The following EXOC2 variants were observed in gnomAD, a reference collection of about 807,000 sequenced individuals.
EXOC2 encodes the protein SEC5-like 1.
A neutral mutation model predicts 131.8 loss-of-function variants in EXOC2; 70 were observed. That is an observed-to-expected ratio of 0.53 (90% CI 0.44 to 0.65). The LOEUF is 0.65. EXOC2 is among the 30% of genes least tolerant of loss of function. The pLI is 0.00. For synonymous variants in EXOC2, 411 were observed against 398.4 expected, an observed-to-expected ratio of 1.03 and a Z score of -0.38; for missense variants, 923 against 1,108.6, an observed-to-expected ratio of 0.83 and a Z score of 2.38.
intron 10 of EXOC2, among the ~76,000 whole-genome samples, chr6:595,787 G>C (rs1766834): frequency 0.11 from 16,380 of 152,050 alleles, 1,849 homozygotes; most frequent in African/African-American, 0.27. Flanking sequence ...GGACGTCTGA[G>C]GCTACCCAGC....
chr6:555,320 G>A, intron 19 of EXOC2, 32 bp from the exon 20 acceptor site: 3 of 1,421,452 alleles, frequency 2.1e-6, no homozygotes, highest in Non-Finnish European at 2.9e-6. Context: ...AGAACTCTCA[G>A]AGGAATGAAC....
In EXOC2 at chr6:518,184, T is replaced by C. The variant is rs950522047; in HGVS notation, c.2380+14285A>G. On this transcript the variant is annotated intron_variant, in intron 23 of 27. Coordinates refer to ENST00000230449, the MANE Select transcript of EXOC2 (RefSeq NM_018303.6). ...ATTACGTTTCTTTAAAAAAAATCAG[T>C]CCTTATCTTATCTGTGTATGGATGA... Among the ~76,000 whole-genome samples the C allele has an allele frequency of 2.0e-5, 3 of 152,200 alleles. No individual in the cohort carries two copies. In the East Asian group the frequency reaches 5.8e-4, roughly 29 times the overall value.
chr6:486,937 T>G (rs962946198), intron 27 of EXOC2, among the ~76,000 whole-genome samples, 173 bp from the exon 28 acceptor site: 3 of 139,660 alleles, frequency 2.1e-5, no homozygotes, highest in East Asian at 2.1e-4. Flanking sequence ...ATCAAAGAAG[T>G]TGATCAAATA....
At chr6:614,108 A>C (rs982471155) in intron 6 of EXOC2, among the ~76,000 whole-genome samples, 2 of 152,150 alleles carry the variant, frequency 1.3e-5, no homozygotes, top group African/African-American at 4.8e-5. Flanking sequence ...CTTTGTCCTT[A>C]GGTCCTGGGA....
chr6:564,877 T>C lies in EXOC2; in HGVS notation c.1496A>G (p.Gln499Arg). Residue 499 changes from glutamine to arginine, a missense_variant, in exon 14 of 28, where the codon CAA (glutamine) becomes CGA (arginine). Coordinates refer to ENST00000230449, the MANE Select transcript of EXOC2 (RefSeq NM_018303.6). ...IERSKNVRQR[Q>R]NDFKKMIQEV... ...ACCCTTACTCACCTTAAAATCATTTTGTCTTTGCCTTACATTCTTTGATCT... is the reference window on the plus strand; with the variant it reads ...ACCCTTACTCACCTTAAAATCATTTCGTCTTTGCCTTACATTCTTTGATCT... 1 of 1,612,976 alleles carries C rather than the reference T, an allele frequency of 6.2e-7. No individual in the cohort carries two copies. Among genetic ancestry groups the C allele is most frequent in the Non-Finnish European group, 8.5e-7 (1 of 1,179,646 alleles).
intron 23 of EXOC2, among the ~76,000 whole-genome samples, chr6:514,139 T>C (rs1291844073): frequency 6.6e-6 from 1 of 152,228 alleles, no homozygotes; most frequent in Non-Finnish European, 1.5e-5. Flanking sequence ...AGGGGTGTGA[T>C]AGGTCTTCTC....
chr6:572,700 T>G, intron 12 of EXOC2, 56 bp from the exon 13 acceptor site: 1 of 1,581,918 alleles, frequency 6.3e-7, no homozygotes, highest in Non-Finnish European at 8.6e-7. Context: ...AGAAAACACC[T>G]TTGAGCATAT....
At chr6:493,417 T>TTAG in intron 25 of EXOC2, among the ~76,000 whole-genome samples, 1 of 152,314 alleles carries the variant, frequency 6.6e-6, no homozygotes, top group South Asian at 2.1e-4. Context: ...GCTGACCATT[T>TTAG]TAGGAGAAAG....
rs182169112 is a variant in EXOC2 at position 533,022 on chromosome 6, G to A, written c.2239-412C>T. 7.2e-5 allele frequency among the ~76,000 whole-genome samples: 11 copies of A among 152,292 alleles called. No homozygotes were observed. The East Asian group carries it at 2.1e-3, about 29-fold the overall frequency. ...AAGGAGAAGGTGGCCAGAAGGAGAA[G>A]TACCCAGTGGAAGGGGAAGAGAGCC... On this transcript the variant is annotated intron_variant, in intron 22 of 27. Transcript: ENST00000230449.
At chr6:495,555 C>A (rs775828470) in intron 25 of EXOC2, among the ~76,000 whole-genome samples, 1 of 152,146 alleles carries the variant, frequency 6.6e-6, no homozygotes, top group Admixed American at 6.5e-5. Context: ...TAACTAGGAT[C>A]GGAATAGCTG....
At chr6:646,120 T>G (rs1320565175) in intron 1 of EXOC2, among the ~76,000 whole-genome samples, 1 of 152,250 alleles carries the variant, frequency 6.6e-6, no homozygotes, top group African/African-American at 2.4e-5. Context: ...TCTCAGTGAT[T>G]CATATCAAGA....
chr6:675,887 A>G (rs370154906), intron 1 of EXOC2, among the ~76,000 whole-genome samples: 39 of 52,834 alleles, frequency 7.4e-4, no homozygotes, highest in East Asian at 6.4e-3. Flanking sequence ...ATACTCTTCA[A>G]CATTACGGAA....
At chr6:668,806 G>A (rs1451526035) in intron 1 of EXOC2, among the ~76,000 whole-genome samples, 4 of 152,142 alleles carry the variant, frequency 2.6e-5, no homozygotes, top group Admixed American at 2.0e-4. Context: ...GCATACTCTA[G>A]ATTACTAATC....
intron 5 of EXOC2, among the ~76,000 whole-genome samples, chr6:618,998 C>T (rs1350437063): frequency 1.3e-5 from 2 of 152,106 alleles, no homozygotes; most frequent in Non-Finnish European, 2.9e-5. Context: ...TAATTTTAAG[C>T]CAGGTCCTTA....
At chr6:583,870 C>T (rs565550630) in intron 11 of EXOC2, among the ~76,000 whole-genome samples, 12 of 152,338 alleles carry the variant, frequency 7.9e-5, no homozygotes, top group African/African-American at 2.6e-4. Flanking sequence ...CAGTGCTGAG[C>T]TGCAGGGAGG....
chr6:687,168 A>ATTTTTTTTTTTT (rs1292769233), intron 1 of EXOC2, among the ~76,000 whole-genome samples: 8 of 40,726 alleles, frequency 2.0e-4, no homozygotes, highest in Non-Finnish European at 3.9e-4. Flanking sequence ...ATCAAATAAT[A>ATTTTTTTTTTTT]TTCTTTTTTT....
At chr6:594,195 C>A (rs1462636646) in intron 10 of EXOC2, among the ~76,000 whole-genome samples, 3 of 152,254 alleles carry the variant, frequency 2.0e-5, no homozygotes, top group Admixed American at 6.5e-5. Flanking sequence ...AAACTACAAT[C>A]TAACAAGTTA....
At chr6:677,750 A>G (rs1743194544) in intron 1 of EXOC2, among the ~76,000 whole-genome samples, 1 of 152,194 alleles carries the variant, frequency 6.6e-6, no homozygotes. Flanking sequence ...TACAGGCATG[A>G]GCCACTGCGC....
chr6:529,116 A>AC (rs11458521), intron 23 of EXOC2, among the ~76,000 whole-genome samples: 68,784 of 134,470 alleles, frequency 0.51, 21,354 homozygotes, highest in Non-Finnish European at 0.69. Flanking sequence ...CCTGCCTTTT[A>AC]CCCCCCCCCG....
Sources: gnomAD v4.1 joint callset for allele counts (sites outside exome capture counted in the v4.1 genomes callset) on GRCh38, gnomAD v4.1.1 for gene constraint, MANE v1.5 for transcripts, NCBI Gene and HGNC (gene_info 2026-07-23, HGNC 2026-07-21) for gene names.